The following SPATA21 variants were observed in gnomAD, a reference collection of about 807,000 sequenced individuals.
The protein encoded by SPATA21 is spermatogenesis associated 21.
SPATA21 carries 47 observed loss-of-function variants against 54.8 expected under a neutral mutation model. The ratio of observed to expected loss-of-function variants is 0.86; its 90% confidence interval spans 0.68 to 1.09. SPATA21 has a LOEUF of 1.09. Ranked by LOEUF, SPATA21 falls within the 50% of genes least tolerant of loss-of-function variation. The probability of loss-of-function intolerance (pLI) is 0.00; values close to 1 mark genes in which losing one functional copy is unlikely to be tolerated. For missense variants in SPATA21, 599 were observed against 596.4 expected (o/e 1.00, Z -0.05); for synonymous variants, 245 against 235.3 (o/e 1.04, Z -0.38).
chr1:16,396,016 C>A (rs2085306173), downstream of SPATA21: 1 of 152,678 alleles, frequency 6.5e-6, no homozygotes, highest in Non-Finnish European at 1.5e-5. Context: ...CCTTCCCATA[C>A]CCCTCAGGGT....
At chr1:16,418,485 G>A (rs1325103862) in intron 5 of SPATA21, among the ~76,000 whole-genome samples, 1 of 151,200 alleles carries the variant, frequency 6.6e-6, no homozygotes, top group African/African-American at 2.4e-5. Context: ...TGTTAGCCAG[G>A]ATGGTCTCGA....
intron 3 of SPATA21, among the ~76,000 whole-genome samples, chr1:16,424,312 A>G (rs1333326264): frequency 2.1e-5 from 3 of 144,694 alleles, no homozygotes; most frequent in African/African-American, 7.6e-5. Context: ...GACTGTCTCA[A>G]AAAAAAAAAA....
chr1:16,399,312 C>G, intron 12 of SPATA21, 32 bp downstream of exon 12: 1 of 1,582,518 alleles, frequency 6.3e-7, no homozygotes, highest in Non-Finnish European at 8.6e-7. Flanking sequence ...TCTGGAAGGG[C>G]CTGGGCTGGG....
At position 16,409,306 on chromosome 1, in the gene SPATA21, G is replaced by A; in HGVS notation, c.588-103C>T. ...GCCTGCAGGAGGAGGTCGTGGGGGA[G>A]GCTTTGGGGAGCCCGGAGAGATCAA... On this transcript the variant is annotated intron_variant, in intron 6 of 12. Coordinates refer to ENST00000335496, the MANE Select transcript of SPATA21 (RefSeq NM_198546.1). The surrounding 1 kb of genome is among the most constrained non-coding windows in gnomAD (Gnocchi z 4.1). The A allele has an allele frequency of 4.7e-6, 6 of 1,273,688 alleles. No homozygotes were observed. The highest frequency in any genetic ancestry group is 4.5e-6 in the Non-Finnish European group (4 of 894,224). The allele number at this position is 1,273,688 out of a possible 1,614,324, so 78.9% of individuals were successfully genotyped here.
intron 5 of SPATA21, among the ~76,000 whole-genome samples, chr1:16,418,311 G>A (rs570560135): frequency 8.8e-4 from 133 of 151,830 alleles, no homozygotes; most frequent in African/African-American, 3.1e-3. Context: ...TCGCTCTGTC[G>A]CCCAGGCCGG....
At chr1:16,408,966 A>AT in intron 7 of SPATA21, 152 bp downstream of exon 7, 1 of 734,260 alleles carries the variant, frequency 1.4e-6, no homozygotes, top group Non-Finnish European at 2.2e-6. Context: ...GCCCTGCCCC[A>AT]TAGGCCAAGT....
rs1015820921 is a variant in SPATA21, at chr1:16,405,113, A to C, written c.674-9T>G. The C allele has an allele frequency of 3.1e-6, 5 of 1,606,566 alleles. No individual in the cohort carries two copies. In the African/African-American group the frequency reaches 6.7e-5, roughly 22 times the overall value. The stretch of plus-strand genomic sequence containing the variant: ...AAAGTAGCTGCGGAAGGCTGTGGGG[A>C]GGGCAGGGTTATGTGGAGTGGGGGC... On this transcript the variant is annotated splice_polypyrimidine_tract_variant and intron_variant, in intron 7 of 12. Transcript: ENST00000335496.
chr1:16,401,592 C>G (rs2085449668), intron 10 of SPATA21, among the ~76,000 whole-genome samples: 1 of 152,126 alleles, frequency 6.6e-6, no homozygotes, highest in African/African-American at 2.4e-5. Flanking sequence ...CACTGCATTA[C>G]CTATGATTAC....
intron 3 of SPATA21, chr1:16,424,823 C>G (rs2086277619): frequency 6.0e-6 from 1 of 166,458 alleles, no homozygotes; most frequent in Non-Finnish European, 1.3e-5. Context: ...CAGCATGTCC[C>G]AATATTATCT....
intron 11 of SPATA21, among the ~76,000 whole-genome samples, chr1:16,399,770 G>T (rs2085385921): frequency 6.6e-6 from 1 of 152,194 alleles, no homozygotes; most frequent in Admixed American, 6.5e-5. Context: ...ATAAGAGCTG[G>T]TAACAGCTTA....
chr1:16,436,865 C>CAAAT (rs547773716), intron 1 of SPATA21, among the ~76,000 whole-genome samples: 63 of 151,152 alleles, frequency 4.2e-4, no homozygotes, highest in East Asian at 1.7e-3. Context: ...TATGGAAAAA[C>CAAAT]AAATAAATAA....
chr1:16,413,415 C>T (rs1250415580), intron 5 of SPATA21, among the ~76,000 whole-genome samples: 2 of 152,192 alleles, frequency 1.3e-5, no homozygotes, highest in African/African-American at 4.8e-5. Context: ...ATCCATTAAT[C>T]TGTCAATGGA....
chr1:16,406,290 C>T (rs1014002393), intron 7 of SPATA21, among the ~76,000 whole-genome samples: 10 of 152,118 alleles, frequency 6.6e-5, no homozygotes, highest in Non-Finnish European at 1.5e-4. Context: ...CGGCCTGGCT[C>T]TGCCATTTAA....
chr1:16,430,380 T>C (rs2086429947), intron 3 of SPATA21, among the ~76,000 whole-genome samples: 1 of 151,666 alleles, frequency 6.6e-6, no homozygotes, highest in African/African-American at 2.4e-5. Context: ...CTGCAGTGAG[T>C]CGTGATCGCA....
In SPATA21 at chr1:16,403,835, G is replaced by T; in HGVS notation, c.893C>A (p.Ala298Asp). Residue 298 changes from alanine (A) to aspartate (D), a missense_variant, in exon 10 of 13, where the codon GCC becomes GAC. Ala to Asp is a moderately radical substitution (Grantham distance 126, BLOSUM62 -2). Transcript: ENST00000335496. ...RRFFCSVEQN[A>D]LSDMAPHNPH... ...GTTGTGGGGAGCCATGTCCGACAGG[G>T]CGTTCTGTTCTGGAGACATGGGATA... 1 of 1,610,166 alleles carries T rather than the reference G, an allele frequency of 6.2e-7. No homozygotes were observed. Among genetic ancestry groups the T allele is most frequent in the South Asian group, 1.1e-5 (1 of 90,452 alleles).
intron 1 of SPATA21, among the ~76,000 whole-genome samples, chr1:16,436,203 A>G (rs913474904): frequency 6.6e-6 from 1 of 152,036 alleles, no homozygotes; most frequent in African/African-American, 2.4e-5. Flanking sequence ...CCTGACCAAC[A>G]TGGAGAAACC....
intron 5 of SPATA21, among the ~76,000 whole-genome samples, chr1:16,413,201 C>A (rs2902589): frequency 1.3e-5 from 2 of 152,054 alleles, no homozygotes; most frequent in Non-Finnish European, 2.9e-5. Context: ...CCCCCGGGCC[C>A]TGGCAACTAC....
Position 16,421,480 on chromosome 1 carries a change from G to T in SPATA21, c.144+29C>A, listed in dbSNP as rs754926512. Reference sequence around the variant, plus strand: ...CCCCTGCCTTTCTCCTACACAGCTCGTCCCCGTTCCCCCTATGGCCCTACT... The same window carrying T: ...CCCCTGCCTTTCTCCTACACAGCTCTTCCCCGTTCCCCCTATGGCCCTACT... On this transcript the variant is annotated intron_variant, in intron 5 of 12. Coordinates refer to ENST00000335496, the MANE Select transcript of SPATA21 (RefSeq NM_198546.1). This position sits in a 1 kb window ranked among gnomAD's most constrained non-coding sequence, Gnocchi z 5.2. 6.2e-7 allele frequency: 1 copy of T among 1,600,762 alleles called. No individual in the cohort carries two copies. The highest frequency in any genetic ancestry group is 1.1e-5 in the South Asian group (1 of 89,230).
Position 16,409,963 on chromosome 1 carries a change from TG to T in SPATA21, c.224del (p.Thr75AsnfsTer12). On this transcript the variant is annotated frameshift_variant, in exon 6 of 13. Transcript: ENST00000335496. LOFTEE classifies it high-confidence loss of function. The surrounding 1 kb of genome is among the most constrained non-coding windows in gnomAD (Gnocchi z 4.1). ...CCTGCCGGAAGTTCCCGAGGCTCTG[TG>T]TCCCTGCAGCCACCGCGGGCTTCTG... ...QPQKPAVAAGTQSLGNFRQGF... is the reference protein window; with the variant it reads ...QPQKPAVAAGXQSLGNFRQGF... 1.9e-6 allele frequency: 3 copies of T among 1,612,810 alleles called. No individual in the cohort carries two copies. The highest frequency in any genetic ancestry group is 3.3e-4 in the Middle Eastern group (2 of 6,048).
Sources: gnomAD v4.1 joint callset for allele counts (sites outside exome capture counted in the v4.1 genomes callset) on GRCh38, gnomAD v4.1.1 for gene constraint, Gnocchi (gnomAD v3.1) non-coding constraint, MANE v1.5 for transcripts, NCBI Gene and HGNC (gene_info 2026-07-23, HGNC 2026-07-21) for gene names.